ITSN1: variants seen among roughly 807,000 people sequenced by gnomAD.
ITSN1 encodes the protein intersectin 1, also known as intersectin-1.
In ITSN1, 58 loss-of-function variants were observed where a neutral mutation model predicts 239.8. The observed-to-expected ratio is 0.24, with a 90% confidence interval of 0.20 to 0.30. ITSN1 has a LOEUF of 0.30. Among genes scored for constraint, ITSN1 ranks in the 10% least tolerant of loss-of-function variants. The probability of loss-of-function intolerance (pLI) is 1.00; values close to 1 mark genes in which losing one functional copy is unlikely to be tolerated. For missense variants in ITSN1, 1,558 were observed against 2,103.3 expected (o/e 0.74, Z 5.07); for synonymous variants, 780 against 770.8 (o/e 1.01, Z -0.20).
chr21:33,886,548 C>T, intron 39 of ITSN1, 88 bp downstream of exon 39: 1 of 1,216,444 alleles, frequency 8.2e-7, no homozygotes, highest in Non-Finnish European at 1.1e-6. Context: ...GACTTGGTGC[C>T]AGGATTCCTT....
At chr21:33,682,507 G>A (rs986258132) in intron 1 of ITSN1, among the ~76,000 whole-genome samples, 1 of 150,254 alleles carries the variant, frequency 6.7e-6, no homozygotes, top group South Asian at 2.1e-4. Flanking sequence ...GAGCCACATA[G>A]TGCCCAGCCT....
intron 9 of ITSN1, among the ~76,000 whole-genome samples, chr21:33,765,296 G>T (rs2068639343): frequency 6.6e-6 from 1 of 152,186 alleles, no homozygotes; most frequent in African/African-American, 2.4e-5. Flanking sequence ...GGCCAGGACA[G>T]ATCAGCCTGG....
At chr21:33,776,646 ATT>A (rs994413790) in intron 14 of ITSN1, among the ~76,000 whole-genome samples, 4 of 151,900 alleles carry the variant, frequency 2.6e-5, no homozygotes, top group African/African-American at 9.7e-5. Context: ...TTTAATTTGT[ATT>A]TCCCTGAAGG....
At chr21:33,825,920 T>G (rs2073949022) in intron 25 of ITSN1, among the ~76,000 whole-genome samples, 1 of 152,248 alleles carries the variant, frequency 6.6e-6, no homozygotes. Flanking sequence ...ATATTTTTAT[T>G]CTTTCAGTAA....
intron 5 of ITSN1, among the ~76,000 whole-genome samples, chr21:33,749,688 T>A (rs1292697260): frequency 6.6e-6 from 1 of 151,978 alleles, no homozygotes; most frequent in Non-Finnish European, 1.5e-5. Flanking sequence ...ATAAAGATGC[T>A]TTCCCCATCA....
chr21:33,716,906 C>T (rs1483191895), intron 1 of ITSN1, among the ~76,000 whole-genome samples: 2 of 149,610 alleles, frequency 1.3e-5, no homozygotes, highest in East Asian at 2.0e-4. Context: ...GAGCTGAGAT[C>T]GCCTGGGCAA....
chr21:33,811,273 A>G (rs1347708121), intron 21 of ITSN1, 51 bp downstream of exon 21: 3 of 1,501,852 alleles, frequency 2.0e-6, no homozygotes, highest in Non-Finnish European at 2.7e-6. Flanking sequence ...CAATTTGATC[A>G]TTTCCCCCCC....
chr21:33,662,832 T>C (rs1271709042), intron 1 of ITSN1, among the ~76,000 whole-genome samples: 1 of 152,214 alleles, frequency 6.6e-6, no homozygotes, highest in African/African-American at 2.4e-5. Flanking sequence ...CTGCAGGTCT[T>C]TCACATATGC....
intron 1 of ITSN1, among the ~76,000 whole-genome samples, chr21:33,651,305 G>C (rs1001478496): frequency 6.6e-6 from 1 of 152,178 alleles, no homozygotes; most frequent in African/African-American, 2.4e-5. Flanking sequence ...ATGTGCTTTT[G>C]TTTAAAAATC....
intron 33 of ITSN1, among the ~76,000 whole-genome samples, chr21:33,874,667 T>TTTTTA (rs1983399983): frequency 6.7e-6 from 1 of 149,194 alleles, no homozygotes; most frequent in African/African-American, 2.5e-5. Context: ...TTTTTTTTTT[T>TTTTTA]GAGACGGAGC....
At chr21:33,738,882 A>G (rs1180874613) in intron 5 of ITSN1, among the ~76,000 whole-genome samples, 3 of 150,946 alleles carry the variant, frequency 2.0e-5, no homozygotes, top group Non-Finnish European at 3.0e-5. Flanking sequence ...GTAGCCTCCA[A>G]CTCCTAGGCT....
intron 22 of ITSN1, chr21:33,817,731 A>C: frequency 1.1e-6 from 1 of 929,214 alleles, no homozygotes; most frequent in South Asian, 1.7e-5. Context: ...TGGTAATTAC[A>C]ATGAATTTAT....
chr21:33,721,586 AG>A (rs1428371631), intron 3 of ITSN1, among the ~76,000 whole-genome samples: 1 of 151,990 alleles, frequency 6.6e-6, no homozygotes, highest in Admixed American at 6.6e-5. Context: ...CCTTGAGGTC[AG>A]GAGTTCCAAA....
intron 14 of ITSN1, among the ~76,000 whole-genome samples, chr21:33,780,777 C>A (rs751995764): frequency 6.6e-6 from 1 of 152,254 alleles, no homozygotes; most frequent in Admixed American, 6.5e-5. Flanking sequence ...AGAAACTATA[C>A]AGGATATTTT....
At chr21:33,784,432 G>A (rs1408551217) in intron 16 of ITSN1, among the ~76,000 whole-genome samples, 1 of 152,124 alleles carries the variant, frequency 6.6e-6, no homozygotes, top group Non-Finnish European at 1.5e-5. Flanking sequence ...GAGTCTGGGA[G>A]GTTGGGGCTG....
intron 17 of ITSN1, among the ~76,000 whole-genome samples, chr21:33,794,888 G>A (rs1046331644): frequency 6.6e-6 from 1 of 152,154 alleles, no homozygotes; most frequent in Non-Finnish European, 1.5e-5. Flanking sequence ...TTTTTCAACT[G>A]CAAATTAAAC....
chr21:33,797,537 A>G lies in ITSN1; in HGVS notation c.2111A>G (p.Lys704Arg), dbSNP rs1280835920. Residue 704 changes from lysine (K) to arginine (R), a missense_variant, in exon 18 of 40, where the codon AAG becomes AGG. Around this residue, in one of 2 missense-constraint regions of ITSN1, gnomAD observed 982 missense variants for 1,209.9 expected, o/e 0.81. Transcript: ENST00000381318. The surrounding 1 kb of genome is among the most constrained non-coding windows in gnomAD (Gnocchi z 4.9). ...AAAGGCAAACAGGAAGCACAAGACA[A>G]GCTGGGTCGGCTTTTCCATCAACAC... ...EEKGKQEAQD[K>R]LGRLFHQHQE... The G allele has an allele frequency of 6.2e-7, 1 of 1,614,120 alleles. No individual in the cohort carries two copies. The highest frequency in any genetic ancestry group is 8.5e-7 in the Non-Finnish European group (1 of 1,180,004).
chr21:33,679,845 C>G (rs987382397), intron 1 of ITSN1, among the ~76,000 whole-genome samples: 2 of 151,710 alleles, frequency 1.3e-5, no homozygotes, highest in Admixed American at 6.6e-5. Context: ...CTACAGGTGC[C>G]CGCCCCCACA....
At chr21:33,843,015 G>T (rs1256740493) in intron 29 of ITSN1, among the ~76,000 whole-genome samples, 1 of 152,154 alleles carries the variant, frequency 6.6e-6, no homozygotes. Flanking sequence ...AGAAAGTGAG[G>T]AAAGGCCTGG....
Sources: gnomAD v4.1 joint callset for allele counts (sites outside exome capture counted in the v4.1 genomes callset) on GRCh38, gnomAD v4.1.1 for gene constraint, gnomAD v4.1.1 regional missense constraint, Gnocchi (gnomAD v3.1) non-coding constraint, MANE v1.5 for transcripts, NCBI Gene and HGNC (gene_info 2026-07-23, HGNC 2026-07-21) for gene names.